The following ARX variants were observed in gnomAD, a reference collection of about 807,000 sequenced individuals.
ARX encodes aristaless related homeobox.
A neutral mutation model predicts 23.1 loss-of-function variants in ARX; 1 was observed. The ratio of observed to expected loss-of-function variants is 0.04; its 90% CI spans 0.02 to 0.21. The LOEUF (loss-of-function observed/expected upper bound fraction) is 0.21. ARX is among the 10% of genes least tolerant of loss of function. The pLI is 1.00. For synonymous variants in ARX, 301 were observed against 270.1 expected (o/e 1.11, Z -1.12); for missense variants, 380 against 527.5 (o/e 0.72, Z 2.74).
In ARX at chrX:25,015,957, A is replaced by G; in HGVS notation, c.-220T>C. 1 of 437,517 alleles carries G rather than the reference A, an allele frequency of 2.3e-6. No individual in the cohort carries two copies. The allele number at this position is 437,517 out of a possible 1,213,427, so 36.1% of individuals were successfully genotyped here. A position where few individuals can be genotyped will look rare whatever the true frequency, so the allele number is the denominator to read the frequency against. On this transcript the variant is annotated 5_prime_UTR_variant, in exon 1 of 5. Transcript: ENST00000379044. ...CTCCGCGCTCAGGACAAGCGGTAAC[A>G]AGTGTAGTGAGCAGCGGGCGCTGAG...
At chrX:25,014,364 A>C (rs1267990585) in intron 1 of ARX, among the ~76,000 whole-genome samples, 1 of 112,685 alleles carries the variant, frequency 8.9e-6, no homozygotes, top group East Asian at 2.8e-4. Context: ...CACTATCCTG[A>C]AAACTTTGCG....
chrX:25,005,035 C>T (rs1292263639), intron 4 of ARX, 125 bp from the exon 5 acceptor site: 29 of 949,801 alleles, frequency 3.1e-5, no homozygotes, highest in Non-Finnish European at 3.8e-5. Flanking sequence ...CCGGATGGGC[C>T]GCGGCGGGGA....
rs201300786 is a variant in ARX at position 25,010,254 on chromosome X, G to A, written c.1119+6C>T. ...CCCTCCCTCTTCCCTCTGTTGTGCA[G>A]CTCACCTGGACTCGGGCCTCGGTCA... On this transcript the variant is annotated splice_donor_region_variant and intron_variant, in intron 3 of 4. Transcript: ENST00000379044. The A allele has an allele frequency of 3.1e-5, 37 of 1,194,456 alleles. No individual in the cohort carries two copies. The African/African-American group carries it at 5.4e-4, about 17-fold the overall frequency.
At chrX:25,010,549 C>T (rs1361538714) in intron 2 of ARX, among the ~76,000 whole-genome samples, 2 of 110,875 alleles carry the variant, frequency 1.8e-5, no homozygotes, top group South Asian at 3.9e-4. Context: ...ATACTACATT[C>T]GTGTGTGACA....
chrX:25,007,626 A>G (rs1332691314), intron 3 of ARX, among the ~76,000 whole-genome samples, 187 bp from the exon 4 acceptor site: 1 of 111,428 alleles, frequency 9.0e-6, no homozygotes, highest in Admixed American at 9.4e-5. Flanking sequence ...AGTGAATAGG[A>G]GCCGCAACTT....
At chrX:25,010,822 ATC>A (rs763980523) in intron 2 of ARX, among the ~76,000 whole-genome samples, 13 of 107,455 alleles carry the variant, frequency 1.2e-4, no homozygotes, top group Non-Finnish European at 1.3e-4. Flanking sequence ...CTTTCCCTCC[ATC>A]TCTCTCTCCC....
In ARX at chrX:25,004,695, G is replaced by T; in HGVS notation, c.1664C>A (p.Thr555Asn). ...TTAGCACACCTCCTTGCCCGTGCTG[G>T]TGCCCGGCAGGATGTTGAGCTGCGT... ...QLTQLNILPG[T>N]STGKEVC is the part of the protein sequence containing the mutation. The change falls in exon 5 of 5, where the codon ACC becomes AAC. Residue 555 changes from threonine to asparagine, a missense_variant. Coordinates refer to ENST00000379044, the MANE Select transcript of ARX (RefSeq NM_139058.3). The T allele has an allele frequency of 8.6e-7, 1 of 1,165,147 alleles. No homozygotes were observed. The highest frequency in any genetic ancestry group is 1.1e-6 in the Non-Finnish European group (1 of 872,613).
At chrX:25,005,060 G>A in intron 4 of ARX, 150 bp from the exon 5 acceptor site, 2 of 820,354 alleles carry the variant, frequency 2.4e-6, no homozygotes, top group Non-Finnish European at 3.2e-6. Context: ...GGCAGAGGGC[G>A]CGGGCGGAAG....
intron 1 of ARX, 55 bp from the exon 2 acceptor site, chrX:25,013,853 G>C: frequency 1.1e-6 from 1 of 888,834 alleles, no homozygotes; most frequent in African/African-American, 2.1e-5. Context: ...TCCCAGCCAG[G>C]GCTGCTGCCG....
At chrX:25,005,147 GGGGCC>G (rs770579369) in intron 4 of ARX, among the ~76,000 whole-genome samples, 3 of 112,274 alleles carry the variant, frequency 2.7e-5, no homozygotes, top group African/African-American at 9.7e-5. Flanking sequence ...TATTCCCCGA[GGGGCC>G]GGGCCGGGCC....
chrX:25,011,848 G>C (rs1358232933), intron 2 of ARX, among the ~76,000 whole-genome samples: 1 of 113,000 alleles, frequency 8.8e-6, no homozygotes, highest in Non-Finnish European at 1.9e-5. Flanking sequence ...CGTCTCCTTC[G>C]AAGGAACTGC....
At chrX:25,008,163 G>A (rs994815090) in intron 3 of ARX, among the ~76,000 whole-genome samples, 5 of 112,645 alleles carry the variant, frequency 4.4e-5, no homozygotes, top group African/African-American at 1.6e-4. Flanking sequence ...TAATTAGCAA[G>A]CATACATTTC....
chrX:25,006,518 G>C (rs2048678664), intron 4 of ARX: 1 of 112,236 alleles, frequency 8.9e-6, no homozygotes, highest in African/African-American at 3.2e-5. Context: ...GGAGTTATAA[G>C]ATGAACTGTT....
In ARX at chrX:25,007,299, A is replaced by G. The variant is rs1057521263; in HGVS notation, c.1260T>C (p.Pro420=). ...LSPYLDASPF[P]PHHPALDSAW... is the part of the protein sequence containing the mutation. Reference sequence around the variant, plus strand: ...CGGAGTCGAGCGCCGGGTGGTGCGGAGGGAAGGGGCTGGCGTCCAGGTAGG... The same window carrying G: ...CGGAGTCGAGCGCCGGGTGGTGCGGGGGGAAGGGGCTGGCGTCCAGGTAGG... The change falls in exon 4 of 5, where the codon CCT becomes CCC. Residue 420 remains proline, a synonymous_variant. Coordinates refer to ENST00000379044, the MANE Select transcript of ARX (RefSeq NM_139058.3). 1 of 1,123,048 alleles carries G rather than the reference A, an allele frequency of 8.9e-7. No individual in the cohort carries two copies. Among genetic ancestry groups the G allele is most frequent in the Non-Finnish European group, 1.2e-6 (1 of 858,303 alleles). The allele number at this position is 1,123,048 out of a possible 1,213,427, so 92.6% of individuals were successfully genotyped here.
intron 3 of ARX, 84 bp downstream of exon 3, chrX:25,010,176 A>G: frequency 3.6e-6 from 1 of 278,120 alleles, no homozygotes; most frequent in Non-Finnish European, 6.8e-6. Context: ...CACCCCCCGC[A>G]CCCCCCCGCC....
chrX:25,015,490 T>C, intron 1 of ARX, 52 bp downstream of exon 1: 1 of 1,183,788 alleles, frequency 8.4e-7, no homozygotes, highest in Non-Finnish European at 1.1e-6. Context: ...ACACCAAACA[T>C]CCAAATCAGG....
intron 3 of ARX, 130 bp from the exon 4 acceptor site, chrX:25,007,569 C>T (rs2048684165): frequency 1.0e-5 from 9 of 860,029 alleles, no homozygotes; most frequent in Non-Finnish European, 1.4e-5. Context: ...CCACCTGCCC[C>T]TCTTTGGCCT....
intron 4 of ARX, chrX:25,006,678 G>A (rs998707786): frequency 8.8e-6 from 1 of 113,775 alleles, no homozygotes; most frequent in Non-Finnish European, 1.8e-5. Flanking sequence ...GTGGCTCCAG[G>A]GCTCCCATGG....
intron 2 of ARX, among the ~76,000 whole-genome samples, chrX:25,010,981 T>C (rs752226458): frequency 7.1e-5 from 8 of 112,028 alleles, no homozygotes; most frequent in Non-Finnish European, 1.3e-4. Context: ...CTACAAACCC[T>C]GCCCATCTCA....
Sources: allele counts gnomAD v4.1 joint callset (sites outside exome capture counted in the v4.1 genomes callset), GRCh38; gene constraint gnomAD v4.1.1; transcripts MANE v1.5; gene names NCBI Gene and HGNC (gene_info 2026-07-23, HGNC 2026-07-21).